CSMD1: variants seen among roughly 807,000 people sequenced by gnomAD.
CSMD1 encodes CUB and sushi domain-containing protein 1.
In CSMD1, 213 loss-of-function variants were observed where a neutral mutation model predicts 417.5. That is an observed-to-expected ratio of 0.51 (90% confidence interval 0.46 to 0.57). The LOEUF (loss-of-function observed/expected upper bound fraction) is 0.57, where lower values mean the gene tolerates loss of function less well. CSMD1 is among the 20% of genes least tolerant of loss of function. The pLI, the probability that CSMD1 is intolerant of heterozygous loss-of-function variation, is 0.00. For missense variants in CSMD1, 6,923 were observed against 4,529.7 expected (o/e 1.53, Z -15.17); for synonymous variants, 2,862 against 1,736.8 (o/e 1.65, Z -16.11).
chr8:3,446,755 T>C (rs957830674), intron 12 of CSMD1, among the ~76,000 whole-genome samples: 2 of 152,256 alleles, frequency 1.3e-5, no homozygotes, highest in African/African-American at 4.8e-5. Context: ...TGAGGTTATC[T>C]AGACTTCGGA....
intron 12 of CSMD1, among the ~76,000 whole-genome samples, chr8:3,411,408 G>C (rs1013482093): frequency 6.6e-6 from 1 of 151,830 alleles, no homozygotes; most frequent in South Asian, 2.1e-4. Flanking sequence ...AGCAGTATAT[G>C]CTGCGTTCAT....
chr8:3,226,221 G>T (rs1479452392), intron 27 of CSMD1, among the ~76,000 whole-genome samples: 1 of 152,116 alleles, frequency 6.6e-6, no homozygotes, highest in Non-Finnish European at 1.5e-5. Context: ...TTGCAATTTG[G>T]ACTTGGGGAA....
intron 3 of CSMD1, among the ~76,000 whole-genome samples, chr8:4,345,189 C>T (rs908543617): frequency 1.3e-5 from 2 of 152,082 alleles, no homozygotes; most frequent in Admixed American, 6.6e-5. Flanking sequence ...TGCAAGACAT[C>T]GCATTGATGA....
chr8:3,711,321 C>T (rs1051976463), intron 6 of CSMD1, among the ~76,000 whole-genome samples: 4 of 152,090 alleles, frequency 2.6e-5, no homozygotes, highest in African/African-American at 4.8e-5. Flanking sequence ...TTGTGGAAGA[C>T]GAGGAGGTGG....
chr8:4,490,406 T>C (rs1801641909), intron 2 of CSMD1, among the ~76,000 whole-genome samples: 1 of 152,230 alleles, frequency 6.6e-6, no homozygotes, highest in Non-Finnish European at 1.5e-5. Flanking sequence ...ATAAAATGTG[T>C]ATTTCACATC....
chr8:4,565,278 G>A (rs533489762), intron 2 of CSMD1, among the ~76,000 whole-genome samples: 95 of 152,216 alleles, frequency 6.2e-4, no homozygotes, highest in Non-Finnish European at 9.3e-4. Context: ...AATATTGAGT[G>A]AACAAGTGTA....
intron 1 of CSMD1, among the ~76,000 whole-genome samples, chr8:4,732,428 G>A (rs748137748): frequency 3.2e-4 from 49 of 150,850 alleles, no homozygotes; most frequent in Non-Finnish European, 1.2e-4. Context: ...CAGAATCCAA[G>A]CATTTATTCT....
At chr8:4,222,306 T>G (rs904316526) in intron 3 of CSMD1, among the ~76,000 whole-genome samples, 3 of 152,126 alleles carry the variant, frequency 2.0e-5, no homozygotes, top group Non-Finnish European at 2.9e-5. Context: ...TTTAGGCAAT[T>G]TGGAAAACTT....
intron 3 of CSMD1, among the ~76,000 whole-genome samples, chr8:4,323,640 A>G (rs1018526314): frequency 1.3e-5 from 2 of 152,174 alleles, no homozygotes; most frequent in Non-Finnish European, 2.9e-5. Flanking sequence ...ATAAGGAGAA[A>G]AAACAAATAA....
At chr8:4,111,035 G>A (rs1022965999) in intron 3 of CSMD1, among the ~76,000 whole-genome samples, 3 of 152,170 alleles carry the variant, frequency 2.0e-5, no homozygotes, top group African/African-American at 7.2e-5. Flanking sequence ...CCTGCGAAAG[G>A]AAATAACTTA....
At chr8:3,655,623 C>G (rs1037623107) in intron 7 of CSMD1, among the ~76,000 whole-genome samples, 10 of 151,602 alleles carry the variant, frequency 6.6e-5, no homozygotes, top group Admixed American at 2.0e-4. Flanking sequence ...GGGCTGCAAG[C>G]CAGCTGAGCC....
chr8:4,844,793 C>G (rs900712455), intron 1 of CSMD1, among the ~76,000 whole-genome samples: 3 of 152,144 alleles, frequency 2.0e-5, no homozygotes, highest in African/African-American at 4.8e-5. Flanking sequence ...CACTAACTGA[C>G]AAAAGTTTTC....
Position 3,463,757 on chromosome 8 carries a change from G to A in CSMD1, c.1561+4955C>T, listed in dbSNP as rs115082326. Among the ~76,000 whole-genome samples, 621 of 152,286 alleles carry A rather than the reference G, an allele frequency of 4.1e-3. 2 individuals are homozygous for A. Among genetic ancestry groups the A allele is most frequent in the African/African-American group, 0.014 (576 of 41,556 alleles). On this transcript the variant is annotated intron_variant, in intron 12 of 69. Coordinates refer to ENST00000635120, the MANE Select transcript of CSMD1 (RefSeq NM_033225.6). ...CCAGTACAACCACGCAAGACGAGAA[G>A]CACCTTCAAGATTACATAACATCAA...
intron 3 of CSMD1, among the ~76,000 whole-genome samples, chr8:4,301,119 C>T (rs571516700): frequency 2.6e-5 from 4 of 152,182 alleles, no homozygotes; most frequent in East Asian, 1.9e-4. Context: ...CAAAATTGCC[C>T]GTGTTTGAGG....
At chr8:3,087,660 G>C (rs1814640795) in intron 48 of CSMD1, among the ~76,000 whole-genome samples, 1 of 152,198 alleles carries the variant, frequency 6.6e-6, no homozygotes, top group African/African-American at 2.4e-5. Context: ...AGAAACTGCA[G>C]AAAAATCTTA....
chr8:3,719,012 C>G (rs1275081857), intron 6 of CSMD1, among the ~76,000 whole-genome samples: 2 of 152,184 alleles, frequency 1.3e-5, no homozygotes, highest in African/African-American at 2.4e-5. Context: ...AGACAACGCG[C>G]TCAGAAACAA....
chr8:4,248,954 T>A (rs1174981727), intron 3 of CSMD1, among the ~76,000 whole-genome samples: 1 of 152,202 alleles, frequency 6.6e-6, no homozygotes, highest in African/African-American at 2.4e-5. Flanking sequence ...AATACCATAA[T>A]GCTACTTTTA....
chr8:3,995,457 T>G (rs1463604926), intron 5 of CSMD1, among the ~76,000 whole-genome samples: 1 of 152,228 alleles, frequency 6.6e-6, no homozygotes, highest in Non-Finnish European at 1.5e-5. Context: ...TTCAAGGCTT[T>G]ATGATCCAGC....
intron 1 of CSMD1, among the ~76,000 whole-genome samples, chr8:4,672,604 C>T (rs564495141): frequency 3.3e-5 from 5 of 152,198 alleles, no homozygotes; most frequent in Non-Finnish European, 5.9e-5. Flanking sequence ...ATAAAATGTG[C>T]TACGTATGCA....
Sources: gnomAD v4.1 joint callset for allele counts (sites outside exome capture counted in the v4.1 genomes callset) on GRCh38, gnomAD v4.1.1 for gene constraint, MANE v1.5 for transcripts, NCBI Gene and HGNC (gene_info 2026-07-23, HGNC 2026-07-21) for gene names.